The following APCDD1 variants were observed in gnomAD, a reference collection of about 807,000 sequenced individuals.
The protein encoded by APCDD1 is protein APCDD1.
APCDD1 carries 15 observed loss-of-function variants against 38.1 expected under a neutral mutation model. The observed-to-expected ratio is 0.39, with a 90% CI of 0.26 to 0.61. The LOEUF (loss-of-function observed/expected upper bound fraction) is 0.61. Ranked by LOEUF, APCDD1 falls within the 20% of genes least tolerant of loss-of-function variation. The pLI, the probability that APCDD1 is intolerant of heterozygous loss-of-function variation, is 0.49. For synonymous variants in APCDD1, 261 were observed against 279.7 expected, an observed-to-expected ratio of 0.93 and a Z score of 0.67; for missense variants, 647 against 696.2, an observed-to-expected ratio of 0.93 and a Z score of 0.79.
In APCDD1 at chr18:10,467,250, C is replaced by A. The variant is rs528049086; in HGVS notation, c.59-1219C>A. The stretch of plus-strand genomic sequence containing the variant: ...ATCTAACTTCTCATTTTCAAATCAT[C>A]TCTCAGAAACCGTGCCTTCTCTATG... On this transcript the variant is annotated intron_variant, in intron 1 of 4. Transcript: ENST00000355285. This position sits in a 1 kb window ranked among gnomAD's most constrained non-coding sequence, Gnocchi z 4.8. 6.6e-6 allele frequency among the ~76,000 whole-genome samples: 1 copy of A among 152,208 alleles called. No homozygotes were observed. Among genetic ancestry groups the A allele is most frequent in the East Asian group, 1.9e-4 (1 of 5,206 alleles).
At position 10,454,807 on chromosome 18, in the gene APCDD1, C is replaced by A; in HGVS notation, c.-175C>A. 1 of 982,916 alleles carries A rather than the reference C, an allele frequency of 1.0e-6. No homozygotes were observed. Among genetic ancestry groups the A allele is most frequent in the Non-Finnish European group, 1.2e-6 (1 of 829,922 alleles). 60.9% of individuals were successfully genotyped at this position (982,916 alleles called of 1,614,324 possible). On this transcript the variant is annotated 5_prime_UTR_variant, in exon 1 of 5. Transcript: ENST00000355285. ...CAGCCGCCCGACGGCGCCCAGAGAG[C>A]GCGCGCCCCGCAGCCCCGCGCCTAG...
Position 10,489,612 on chromosome 18 carries a change from T to A in APCDD1, c.*1574T>A, listed in dbSNP as rs2031326767. On this transcript the variant is annotated 3_prime_UTR_variant, in exon 5 of 5. Coordinates refer to ENST00000355285, the MANE Select transcript of APCDD1 (RefSeq NM_153000.5). ...TACTCGGGAGGCTGAGGCAGGAGAA[T>A]GGCATGAACCTGGGAGGTGGAGCTT... 6.6e-6 allele frequency: 1 copy of A among 151,166 alleles called. No homozygotes were observed. The highest frequency in any genetic ancestry group is 1.5e-5 in the Non-Finnish European group (1 of 67,912). 9.4% of individuals were successfully genotyped at this position (151,166 alleles called of 1,614,324 possible). A position where few individuals can be genotyped will look rare whatever the true frequency, so the allele number is the denominator to read the frequency against.
At chr18:10,462,520 TCCTGTGACCCTCCCTTCCTC>T (rs1568001626) in intron 1 of APCDD1, among the ~76,000 whole-genome samples, 10 of 65,520 alleles carry the variant, frequency 1.5e-4, no homozygotes, top group African/African-American at 9.2e-4. Context: ...CTTCCTTCCT[TCCTGTGACCCTCCCTTCCTC>T]CCTTCCTTCC....
intron 3 of APCDD1, among the ~76,000 whole-genome samples, chr18:10,479,387 A>C (rs1226135408): frequency 6.6e-6 from 1 of 152,244 alleles, no homozygotes; most frequent in East Asian, 1.9e-4. Flanking sequence ...ATCTGTTCAC[A>C]AGATCACATC....
rs186987345 is a variant in APCDD1, at chr18:10,485,713, C to T, written c.1026C>T (p.Tyr342=). 2.8e-5 allele frequency: 45 copies of T among 1,614,146 alleles called. No homozygotes were observed. The highest frequency in any genetic ancestry group is 1.5e-4 in the South Asian group (14 of 91,088). The change falls in exon 4 of 5, where the codon TAC becomes TAT. Residue 342 remains tyrosine, a synonymous_variant. Transcript: ENST00000355285. The surrounding 1 kb of genome is among the most constrained non-coding windows in gnomAD (Gnocchi z 5.8). The stretch of plus-strand genomic sequence containing the variant: ...GCAAGCACCCCACCTTCTCCATCTA[C>T]GCCCGGGGCCGCTACAGCCGCGGCG... ...PVCKHPTFSI[Y]ARGRYSRGVL...
chr18:10,471,524 G>T lies in APCDD1; in HGVS notation c.243-6G>T. Reference sequence around the variant, plus strand: ...AAAGGTCTCTTCTTCCCCTTTTCTTGCCCAGCTGTGAAGTAAGGTCAGGCC... The same window carrying T: ...AAAGGTCTCTTCTTCCCCTTTTCTTTCCCAGCTGTGAAGTAAGGTCAGGCC... On this transcript the variant is annotated splice_polypyrimidine_tract_variant and splice_region_variant and intron_variant, in intron 2 of 4. Coordinates refer to ENST00000355285, the MANE Select transcript of APCDD1 (RefSeq NM_153000.5). The surrounding 1 kb of genome is among the most constrained non-coding windows in gnomAD (Gnocchi z 5.5). 17 of 1,613,968 alleles carry T rather than the reference G, an allele frequency of 1.1e-5. No individual in the cohort carries two copies. Among genetic ancestry groups the T allele is most frequent in the Middle Eastern group, 1.6e-4 (1 of 6,062 alleles).
chr18:10,459,337 C>CACAG (rs2030470356), intron 1 of APCDD1, among the ~76,000 whole-genome samples: 6 of 151,804 alleles, frequency 4.0e-5, no homozygotes, highest in Admixed American at 3.9e-4. Flanking sequence ...CACACACACA[C>CACAG]ACAGACCACA....
intron 3 of APCDD1, among the ~76,000 whole-genome samples, chr18:10,478,098 C>T (rs926996475): frequency 6.6e-6 from 1 of 152,208 alleles, no homozygotes; most frequent in Non-Finnish European, 1.5e-5. Context: ...TGCTGAACTC[C>T]AGGGTGCAGA....
At chr18:10,459,890 G>A (rs575040843) in intron 1 of APCDD1, among the ~76,000 whole-genome samples, 2 of 152,124 alleles carry the variant, frequency 1.3e-5, no homozygotes, top group Non-Finnish European at 2.9e-5. Context: ...GATTATTAAA[G>A]TATACAGGGC....
intron 1 of APCDD1, among the ~76,000 whole-genome samples, chr18:10,462,907 C>G (rs995454205): frequency 7.4e-6 from 1 of 135,106 alleles, no homozygotes; most frequent in African/African-American, 3.5e-5. Context: ...ATCTGTCCCC[C>G]ATGTCCCTCC....
At position 10,471,835 on chromosome 18, in the gene APCDD1, A is replaced by G; in HGVS notation, c.548A>G (p.Gln183Arg). ...CTCGCAGACGGGGGTCCCTGGGTGC[A>G]GGACGTGGCCTATGACCTCTGGCGA... ...GFLADGGPWV[Q>R]DVAYDLWREE... Residue 183 changes from glutamine to arginine, a missense_variant, in exon 3 of 5, where the codon CAG becomes CGG. Coordinates refer to ENST00000355285, the MANE Select transcript of APCDD1 (RefSeq NM_153000.5). The surrounding 1 kb of genome is among the most constrained non-coding windows in gnomAD (Gnocchi z 5.5). 3 of 1,614,144 alleles carry G rather than the reference A, an allele frequency of 1.9e-6. No homozygotes were observed. Among genetic ancestry groups the G allele is most frequent in the Non-Finnish European group, 2.5e-6 (3 of 1,180,018 alleles).
chr18:10,467,676 G>A lies in APCDD1; in HGVS notation c.59-793G>A, dbSNP rs2030749072. Among the ~76,000 whole-genome samples the A allele has an allele frequency of 6.6e-6, 1 of 152,136 alleles. No homozygotes were observed. Among genetic ancestry groups the A allele is most frequent in the Non-Finnish European group, 1.5e-5 (1 of 68,012 alleles). ...TTCTTGCCATTATTCTTAATTTAAAGCCCTGTATTGTATGTTTAGGTTATT... is the reference window on the plus strand; with the variant it reads ...TTCTTGCCATTATTCTTAATTTAAAACCCTGTATTGTATGTTTAGGTTATT... On this transcript the variant is annotated intron_variant, in intron 1 of 4. Transcript: ENST00000355285. This position sits in a 1 kb window ranked among gnomAD's most constrained non-coding sequence, Gnocchi z 4.8.
intron 3 of APCDD1, among the ~76,000 whole-genome samples, chr18:10,478,554 G>A (rs1307643789): frequency 6.6e-6 from 1 of 152,184 alleles, no homozygotes; most frequent in Non-Finnish European, 1.5e-5. Context: ...ACCTCCCTCT[G>A]TATCCTCATG....
In APCDD1 at chr18:10,470,404, C is replaced by T. The variant is rs945431550; in HGVS notation, c.243-1126C>T. 1.3e-5 allele frequency among the ~76,000 whole-genome samples: 2 copies of T among 152,140 alleles called. No homozygotes were observed. Among genetic ancestry groups the T allele is most frequent in the African/African-American group, 4.8e-5 (2 of 41,420 alleles). ...TGCTTTATGTCCATAGGATGTTACTCGACATCAGTTGTCAAACGTTACATA... is the reference window on the plus strand; with the variant it reads ...TGCTTTATGTCCATAGGATGTTACTTGACATCAGTTGTCAAACGTTACATA... On this transcript the variant is annotated intron_variant, in intron 2 of 4. Transcript: ENST00000355285. The surrounding 1 kb of genome is among the most constrained non-coding windows in gnomAD (Gnocchi z 4.1).
intron 3 of APCDD1, among the ~76,000 whole-genome samples, chr18:10,482,915 C>T (rs1201770326): frequency 6.6e-6 from 1 of 152,198 alleles, no homozygotes; most frequent in East Asian, 1.9e-4. Flanking sequence ...TCTTTTAACT[C>T]AGTTTGTATT....
In APCDD1 at chr18:10,471,813, G is replaced by A. The variant is rs115383241; in HGVS notation, c.526G>A (p.Ala176Thr). The change falls in exon 3 of 5, where the codon GCA becomes ACA. Residue 176 changes from alanine (A) to threonine (T), a missense_variant. Transcript: ENST00000355285. The surrounding 1 kb of genome is among the most constrained non-coding windows in gnomAD (Gnocchi z 5.5). ...QVNRTCPGFL[A>T]DGGPWVQDVA... ...GAACCGCACATGCCCGGGCTTCCTC[G>A]CAGACGGGGGTCCCTGGGTGCAGGA... 9.2e-5 allele frequency: 148 copies of A among 1,613,768 alleles called. 1 individual carries two copies. The highest frequency in any genetic ancestry group is 8.2e-4 in the Middle Eastern group (5 of 6,062).
chr18:10,468,430 A>G (rs2030768641), intron 1 of APCDD1, 39 bp from the exon 2 acceptor site: 1 of 1,609,702 alleles, frequency 6.2e-7, no homozygotes, highest in Non-Finnish European at 8.5e-7. Flanking sequence ...GTCTGCTGCT[A>G]CTTCTTCTTT....
chr18:10,464,341 CACAG>C (rs1282115250), intron 1 of APCDD1, among the ~76,000 whole-genome samples: 19 of 150,318 alleles, frequency 1.3e-4, no homozygotes, highest in African/African-American at 3.3e-4. Context: ...CACACACACA[CACAG>C]ACACACACAC....
chr18:10,482,910 T>C (rs2031171968), intron 3 of APCDD1, among the ~76,000 whole-genome samples: 1 of 152,260 alleles, frequency 6.6e-6, no homozygotes, highest in South Asian at 2.1e-4. Context: ...TGCTTTCTTT[T>C]AACTCAGTTT....
Sources: allele counts gnomAD v4.1 joint callset (sites outside exome capture counted in the v4.1 genomes callset), GRCh38; gene constraint gnomAD v4.1.1; non-coding constraint Gnocchi (gnomAD v3.1); transcripts MANE v1.5; gene names NCBI Gene and HGNC (gene_info 2026-07-23, HGNC 2026-07-21).